SLC24A2: variants seen among roughly 807,000 people sequenced by gnomAD.
SLC24A2 encodes solute carrier family 24 member 2.
A neutral mutation model predicts 62.0 loss-of-function variants in SLC24A2; 36 were observed. The ratio of observed to expected loss-of-function variants is 0.58; its 90% CI spans 0.44 to 0.77. The LOEUF is 0.77. Ranked by LOEUF, SLC24A2 falls within the 30% of genes least tolerant of loss-of-function variation. The pLI is 0.00. For missense variants in SLC24A2, 846 were observed against 817.9 expected, an observed-to-expected ratio of 1.03 and a Z score of -0.42; for synonymous variants, 358 against 294.0, an observed-to-expected ratio of 1.22 and a Z score of -2.23.
chr9:19,798,628 C>A, the SLC24A2 span, among the ~76,000 whole-genome samples: 1 of 124,550 alleles, frequency 8.0e-6, no homozygotes, highest in African/African-American at 3.1e-5. Flanking sequence ...ACACACACAC[C>A]CCTGGAAATT....
chr9:19,653,517 A>T (rs1818857312), intron 2 of SLC24A2, among the ~76,000 whole-genome samples: 1 of 152,192 alleles, frequency 6.6e-6, no homozygotes, highest in Admixed American at 6.5e-5. Context: ...ACCAATGCTG[A>T]TCAATAGTCT....
chr9:19,561,912 C>T (rs754042106), intron 7 of SLC24A2, among the ~76,000 whole-genome samples: 1 of 152,156 alleles, frequency 6.6e-6, no homozygotes, highest in East Asian at 1.9e-4. Context: ...ACAACTTAAT[C>T]TTCTTGGACA....
At chr9:19,577,154 C>T in intron 5 of SLC24A2, 132 bp from the exon 6 acceptor site, 1 of 766,906 alleles carries the variant, frequency 1.3e-6, no homozygotes, top group Non-Finnish European at 2.4e-6. Context: ...AACCCCAATG[C>T]ACCAGGACCT....
At chr9:20,076,652 G>A in the SLC24A2 span, among the ~76,000 whole-genome samples, 1 of 152,008 alleles carries the variant, frequency 6.6e-6, no homozygotes, top group African/African-American at 2.4e-5. Flanking sequence ...TTTGTTGTGG[G>A]AGCCCTAGGA....
At chr9:20,111,062 A>T in the SLC24A2 span, among the ~76,000 whole-genome samples, 1 of 152,178 alleles carries the variant, frequency 6.6e-6, no homozygotes, top group Admixed American at 6.5e-5. Context: ...GTGCTGCTGG[A>T]TATCTTCCTG....
At chr9:19,558,231 T>G (rs1435413071) in intron 7 of SLC24A2, among the ~76,000 whole-genome samples, 1 of 151,906 alleles carries the variant, frequency 6.6e-6, no homozygotes, top group Non-Finnish European at 1.5e-5. Flanking sequence ...GTGTGGAGAG[T>G]AGGGGCCACT....
the SLC24A2 span, among the ~76,000 whole-genome samples, chr9:19,886,704 A>G: frequency 6.6e-6 from 1 of 152,230 alleles, no homozygotes; most frequent in South Asian, 2.1e-4. Context: ...ATTACTGGGT[A>G]TATACCCAAA....
At chr9:20,102,445 G>A in the SLC24A2 span, among the ~76,000 whole-genome samples, 2 of 127,484 alleles carry the variant, frequency 1.6e-5, no homozygotes, top group Non-Finnish European at 3.2e-5. Flanking sequence ...TGAACATTGA[G>A]AACACATAGA....
At chr9:19,911,189 T>G in the SLC24A2 span, among the ~76,000 whole-genome samples, 1 of 151,490 alleles carries the variant, frequency 6.6e-6, no homozygotes, top group Non-Finnish European at 1.5e-5. Context: ...GTCCTTGCGA[T>G]AGTTTACTGA....
chr9:20,121,275 A>G, the SLC24A2 span, among the ~76,000 whole-genome samples: 66 of 151,876 alleles, frequency 4.3e-4, 1 homozygote, highest in African/African-American at 1.5e-3. Context: ...TCATTTACCT[A>G]GGCCTTCTTT....
At chr9:19,895,516 TC>T in the SLC24A2 span, among the ~76,000 whole-genome samples, 2 of 147,188 alleles carry the variant, frequency 1.4e-5, no homozygotes, top group Non-Finnish European at 3.0e-5. Flanking sequence ...TCTAACACAT[TC>T]CCCTGCCCTT....
At chr9:20,265,255 A>G in the SLC24A2 span, among the ~76,000 whole-genome samples, 3 of 152,162 alleles carry the variant, frequency 2.0e-5, no homozygotes, top group African/African-American at 7.2e-5. Flanking sequence ...ATTCCTGGTA[A>G]AGGCAGGGTA....
the SLC24A2 span, among the ~76,000 whole-genome samples, chr9:20,004,132 C>T: frequency 6.6e-6 from 1 of 152,162 alleles, no homozygotes; most frequent in African/African-American, 2.4e-5. Flanking sequence ...TAGACACAGA[C>T]CCCTTCTAAT....
At chr9:20,228,614 C>T in the SLC24A2 span, among the ~76,000 whole-genome samples, 4 of 151,882 alleles carry the variant, frequency 2.6e-5, no homozygotes, top group African/African-American at 9.7e-5. Context: ...CTGCTATTGC[C>T]CTAAGAGAGA....
intron 5 of SLC24A2, among the ~76,000 whole-genome samples, chr9:19,580,593 T>A (rs559634454): frequency 6.6e-6 from 1 of 152,264 alleles, no homozygotes. Flanking sequence ...TTTCAGGATC[T>A]GTTCATTCCC....
chr9:20,080,790 A>C, the SLC24A2 span, among the ~76,000 whole-genome samples: 3 of 151,854 alleles, frequency 2.0e-5, no homozygotes, highest in South Asian at 4.2e-4. Flanking sequence ...AGAAAAAAAC[A>C]AACAACCCCA....
chr9:19,828,731 T>G, the SLC24A2 span, among the ~76,000 whole-genome samples: 1 of 152,064 alleles, frequency 6.6e-6, no homozygotes, highest in African/African-American at 2.4e-5. Flanking sequence ...AGTGAACAGG[T>G]GTCACAAAAT....
chr9:19,572,457 A>T (rs1835865789), intron 7 of SLC24A2, among the ~76,000 whole-genome samples: 1 of 152,024 alleles, frequency 6.6e-6, no homozygotes, highest in Admixed American at 6.5e-5. Flanking sequence ...CCCCTTTGCT[A>T]TTCTCGTGAT....
rs1449138207 is a variant in SLC24A2 at position 19,517,949 on chromosome 9, ACACACACACT to A, written c.1737-1557_1737-1548del. 1.6e-3 allele frequency among the ~76,000 whole-genome samples: 241 copies of A among 147,996 alleles called. 3 individuals carry two copies. Among genetic ancestry groups the A allele is most frequent in the Admixed American group, 1.1e-3 (16 of 14,770 alleles). On this transcript the variant is annotated intron_variant, in intron 10 of 10. Coordinates refer to ENST00000341998, the MANE Select transcript of SLC24A2 (RefSeq NM_020344.4). ...CACACACACACACACACACACACAC[ACACACACACT>A]CTCACACTTCTAGTGAAGTTGAGTT...
Sources: gnomAD v4.1 joint callset for allele counts (sites outside exome capture counted in the v4.1 genomes callset) on GRCh38, gnomAD v4.1.1 for gene constraint, MANE v1.5 for transcripts, NCBI Gene and HGNC (gene_info 2026-07-23, HGNC 2026-07-21) for gene names.